The following NECTIN3 variants were observed in gnomAD, a reference collection of about 807,000 sequenced individuals.
NECTIN3 encodes nectin-3.
NECTIN3 carries 8 observed loss-of-function variants against 49.4 expected under a neutral mutation model. The observed-to-expected ratio is 0.16, with a 90% confidence interval of 0.10 to 0.29. The LOEUF is 0.29. Among genes scored for constraint, NECTIN3 ranks in the 10% least tolerant of loss-of-function variants. NECTIN3 has a pLI of 1.00. For synonymous variants in NECTIN3, 277 were observed against 241.1 expected (o/e 1.15, Z -1.38); for missense variants, 581 against 654.6 (o/e 0.89, Z 1.23).
downstream of NECTIN3, among the ~76,000 whole-genome samples, chr3:111,137,756 G>A (rs558235313): frequency 2.2e-4 from 31 of 140,246 alleles, no homozygotes; most frequent in Non-Finnish European, 3.5e-4. Context: ...GTTGGCCACT[G>A]TAAAATTTTT....
chr3:111,162,497 C>T (rs943746541), intron 7 of NECTIN3, among the ~76,000 whole-genome samples: 14 of 152,202 alleles, frequency 9.2e-5, no homozygotes, highest in South Asian at 4.1e-4. Context: ...ATAAGTTTCT[C>T]GAGACCTCAC....
At chr3:111,147,400 C>G (rs1465049484) in intron 6 of NECTIN3, 1 of 1,521,200 alleles carries the variant, frequency 6.6e-7, no homozygotes. Context: ...CTTTGCAATG[C>G]AGGATTGACC....
chr3:111,095,077 C>G (rs754456091), intron 1 of NECTIN3, among the ~76,000 whole-genome samples: 2 of 152,110 alleles, frequency 1.3e-5, no homozygotes, highest in Non-Finnish European at 2.9e-5. Flanking sequence ...CATTCTGGTG[C>G]TATTCTCATC....
At chr3:111,090,619 CTTTA>C (rs2032211244) in intron 1 of NECTIN3, among the ~76,000 whole-genome samples, 2 of 143,064 alleles carry the variant, frequency 1.4e-5, no homozygotes, top group African/African-American at 5.2e-5. Flanking sequence ...CATTTTGCAT[CTTTA>C]TTTTTTTATA....
chr3:111,122,302 A>C (rs2033990743), intron 4 of NECTIN3, 64 bp downstream of exon 4: 1 of 1,292,716 alleles, frequency 7.7e-7, no homozygotes, highest in African/African-American at 1.5e-5. Flanking sequence ...TCCCCATTCT[A>C]AATTGTTTTT....
At chr3:111,188,591 C>A (rs1167155730), upstream of NECTIN3, among the ~76,000 whole-genome samples, 1 of 152,114 alleles carries the variant, frequency 6.6e-6, no homozygotes, top group African/African-American at 2.4e-5. Flanking sequence ...AAAAAGACAG[C>A]AATGTTGTTA....
Position 111,136,405 on chromosome 3 carries a change from C to A in NECTIN3, c.*2190C>A. ...TGGCGGGAGAGGGTGACCTGGAAAG[C>A]CACAAGTGAGTATTTGACATATTCT... On this transcript the variant is annotated 3_prime_UTR_variant, in exon 6 of 6. Transcript: ENST00000485303. 1.0e-6 allele frequency: 1 copy of A among 984,476 alleles called. No homozygotes were observed. The highest frequency in any genetic ancestry group is 1.2e-6 in the Non-Finnish European group (1 of 829,336). The allele number at this position is 984,476 out of a possible 1,614,324, so 61.0% of individuals were successfully genotyped here. A position where few individuals can be genotyped will look rare whatever the true frequency, so the allele number is the denominator to read the frequency against.
chr3:111,131,786 C>T (rs1184202827), intron 5 of NECTIN3, among the ~76,000 whole-genome samples: 1 of 151,528 alleles, frequency 6.6e-6, no homozygotes. Flanking sequence ...TTGGTGAGAG[C>T]TCAAATATAG....
At chr3:111,154,223 G>C (rs981716736) in intron 7 of NECTIN3, among the ~76,000 whole-genome samples, 4 of 151,968 alleles carry the variant, frequency 2.6e-5, no homozygotes, top group Non-Finnish European at 2.9e-5. Flanking sequence ...TCTGCTTTCT[G>C]TCATGTATTA....
chr3:111,138,384 CTTTCATCTGTTTTT>C (rs2034650821), downstream of NECTIN3, among the ~76,000 whole-genome samples: 2 of 151,468 alleles, frequency 1.3e-5, no homozygotes, highest in Non-Finnish European at 3.0e-5. Context: ...AGTAAACCAA[CTTTCATCTGTTTTT>C]AAAAATGCTT....
intron 2 of NECTIN3, among the ~76,000 whole-genome samples, chr3:111,115,753 A>T (rs1260918356): frequency 6.6e-6 from 1 of 152,252 alleles, no homozygotes; most frequent in Non-Finnish European, 1.5e-5. Flanking sequence ...CCATGAGGCC[A>T]TGAAGACTTG....
At chr3:111,117,844 G>C (rs921203597) in intron 2 of NECTIN3, among the ~76,000 whole-genome samples, 4 of 152,068 alleles carry the variant, frequency 2.6e-5, no homozygotes, top group South Asian at 2.1e-4. Context: ...AAGAGATATT[G>C]GGGGCAGAGT....
At chr3:111,161,954 A>G (rs991258014) in intron 7 of NECTIN3, among the ~76,000 whole-genome samples, 2 of 152,200 alleles carry the variant, frequency 1.3e-5, no homozygotes, top group African/African-American at 4.8e-5. Flanking sequence ...AACCTGTTAC[A>G]GCCACTACCA....
In NECTIN3 at chr3:111,134,878, A is replaced by G; in HGVS notation, c.*663A>G. 1.0e-6 allele frequency: 1 copy of G among 983,712 alleles called. No individual in the cohort carries two copies. The highest frequency in any genetic ancestry group is 1.2e-6 in the Non-Finnish European group (1 of 828,472). 60.9% of individuals were successfully genotyped at this position (983,712 alleles called of 1,614,324 possible). ...AACTGTGGTAGTAAACTCAGTGAAC[A>G]TGATGTGTGGAAGAGCATAATTAGC... On this transcript the variant is annotated 3_prime_UTR_variant, in exon 6 of 6. Transcript: ENST00000485303.
downstream of NECTIN3, among the ~76,000 whole-genome samples, chr3:111,142,560 C>G (rs1452612088): frequency 6.6e-6 from 1 of 151,676 alleles, no homozygotes; most frequent in Non-Finnish European, 1.5e-5. Flanking sequence ...TATATTTAGA[C>G]AAGCATTACT....
downstream of NECTIN3, among the ~76,000 whole-genome samples, chr3:111,139,100 A>G (rs951510948): frequency 2.6e-5 from 4 of 151,678 alleles, no homozygotes; most frequent in African/African-American, 9.7e-5. Flanking sequence ...CCCTACCTAC[A>G]TAATCCTTCT....
intron 7 of NECTIN3, among the ~76,000 whole-genome samples, chr3:111,152,130 G>C (rs2035012245): frequency 6.6e-6 from 1 of 151,852 alleles, no homozygotes; most frequent in Admixed American, 6.6e-5. Flanking sequence ...GTATTGTAAT[G>C]CGTGTATATT....
chr3:111,118,791 T>G lies in NECTIN3; in HGVS notation c.638T>G (p.Met213Arg). The change falls in exon 3 of 6, where the codon ATG (methionine) becomes AGG (arginine). Residue 213 changes from methionine to arginine, a missense_variant. By Grantham distance (91) the Met-to-Arg change is moderately conservative. This residue lies in a region of NECTIN3 where 234 missense variants were observed against 340.6 expected (regional missense o/e 0.69). Coordinates refer to ENST00000485303, the MANE Select transcript of NECTIN3 (RefSeq NM_015480.3). ...GACTGGGAAGGTGATCTTGGTGAAA[T>G]GGAATCCACTACAACTTCTTTTCCA... ...HIDWEGDLGEMESTTTSFPNE... is the reference protein window; with the variant it reads ...HIDWEGDLGERESTTTSFPNE... 1 of 1,614,096 alleles carries G rather than the reference T, an allele frequency of 6.2e-7. No individual in the cohort carries two copies. Among genetic ancestry groups the G allele is most frequent in the Non-Finnish European group, 8.5e-7 (1 of 1,180,010 alleles).
chr3:111,151,363 T>C (rs2034997176), intron 7 of NECTIN3, among the ~76,000 whole-genome samples: 1 of 151,884 alleles, frequency 6.6e-6, no homozygotes, highest in African/African-American at 2.4e-5. Context: ...ATATCACAGA[T>C]ACTATATTTC....
Sources: allele counts gnomAD v4.1 joint callset (sites outside exome capture counted in the v4.1 genomes callset), GRCh38; gene constraint gnomAD v4.1.1; regional missense constraint gnomAD v4.1.1; transcripts MANE v1.5; gene names NCBI Gene and HGNC (gene_info 2026-07-23, HGNC 2026-07-21).